Variants in LARP1 observed in about 807,000 individuals in gnomAD.
The protein encoded by LARP1 is la-related protein 1.
A neutral mutation model predicts 122.7 loss-of-function variants in LARP1; 36 were observed. That is an observed-to-expected ratio of 0.29 (90% CI 0.22 to 0.39). LARP1 has a LOEUF of 0.39. LARP1 is among the 10% of genes least tolerant of loss of function. LARP1 has a pLI of 1.00. For missense variants in LARP1, 1,040 were observed against 1,403.6 expected, an observed-to-expected ratio of 0.74 and a Z score of 4.14; for synonymous variants, 539 against 528.7, an observed-to-expected ratio of 1.02 and a Z score of -0.27.
chr5:154,691,581 C>T (rs181267027), intron 1 of LARP1, among the ~76,000 whole-genome samples: 3 of 152,306 alleles, frequency 2.0e-5, no homozygotes, highest in Admixed American at 6.5e-5. Flanking sequence ...CTCCGGGATC[C>T]TGCGGAGACT....
chr5:154,733,930 C>T (rs543595648), intron 1 of LARP1, among the ~76,000 whole-genome samples: 11 of 152,104 alleles, frequency 7.2e-5, no homozygotes, highest in East Asian at 3.9e-4. Context: ...CTTTGGGAGG[C>T]GGAGGCGGGT....
intron 18 of LARP1, among the ~76,000 whole-genome samples, chr5:154,812,785 G>A (rs1360596752): frequency 3.9e-5 from 6 of 151,974 alleles, no homozygotes; most frequent in Non-Finnish European, 8.8e-5. Context: ...CCAAAGTGCT[G>A]GGAGTACAGG....
intron 8 of LARP1, among the ~76,000 whole-genome samples, chr5:154,798,453 G>A (rs1015078836): frequency 1.3e-4 from 20 of 152,286 alleles, no homozygotes; most frequent in Non-Finnish European, 7.4e-5. Context: ...TCATTCCTGT[G>A]TACAGTTGCA....
chr5:154,730,381 GATTA>G (rs1267914384), intron 1 of LARP1, among the ~76,000 whole-genome samples: 1 of 151,724 alleles, frequency 6.6e-6, no homozygotes, highest in Non-Finnish European at 1.5e-5. Flanking sequence ...TCCTGCAACT[GATTA>G]ATTAACTTTT....
rs531269704 is a variant in LARP1, at chr5:154,688,277, A to AT, written c.-180+5246dup. On this transcript the variant is annotated intron_variant, in intron 1 of 18. Coordinates refer to the LARP1 transcript ENST00000687700. ...AGCACTCTATCCCTGAATATAGTTT[A>AT]TTTTTTCTACATTTGAATTCTGTTA... 3.4e-4 allele frequency among the ~76,000 whole-genome samples: 51 copies of AT among 151,816 alleles called. No homozygotes were observed. The East Asian group carries it at 8.1e-3, about 24-fold the overall frequency.
intron 1 of LARP1, among the ~76,000 whole-genome samples, chr5:154,683,210 C>A (rs1041155718): frequency 1.6e-4 from 25 of 152,376 alleles, no homozygotes; most frequent in African/African-American, 6.0e-4. Context: ...CTTACAGGAG[C>A]CGCTTTGCAG....
At chr5:154,759,319 G>A (rs953896574) in intron 1 of LARP1, among the ~76,000 whole-genome samples, 3 of 152,148 alleles carry the variant, frequency 2.0e-5, no homozygotes, top group African/African-American at 7.2e-5. Context: ...CCTGTAATAT[G>A]ATGGGGTTGG....
intron 1 of LARP1, among the ~76,000 whole-genome samples, chr5:154,758,314 C>T (rs556209928): frequency 4.6e-5 from 7 of 152,200 alleles, no homozygotes; most frequent in Non-Finnish European, 1.0e-4. Context: ...CTTTAAGTGC[C>T]CAAAGCAAAA....
intron 1 of LARP1, among the ~76,000 whole-genome samples, chr5:154,699,932 G>C (rs1013808541): frequency 6.6e-6 from 1 of 152,170 alleles, no homozygotes; most frequent in Non-Finnish European, 1.5e-5. Context: ...TTCCCAAGGC[G>C]ATGGCAGAAC....
chr5:154,706,298 TAATA>T (rs1162278506), intron 1 of LARP1, among the ~76,000 whole-genome samples: 1,494 of 18,518 alleles, frequency 0.081, 25 homozygotes, highest in African/African-American at 0.14. Context: ...TGTCTCAAAA[TAATA>T]ATAATAATAA....
intron 1 of LARP1, among the ~76,000 whole-genome samples, chr5:154,702,089 AAAG>A (rs1362225891): frequency 2.0e-5 from 3 of 152,166 alleles, no homozygotes; most frequent in African/African-American, 7.2e-5. Flanking sequence ...TACTGTGTAC[AAAG>A]AAGTCTACCC....
At chr5:154,793,562 A>G (rs1447832914) in intron 4 of LARP1, 33 bp from the exon 5 acceptor site, 1 of 1,613,922 alleles carries the variant, frequency 6.2e-7, no homozygotes, top group East Asian at 2.2e-5. Context: ...CCTCTCCCTC[A>G]AGCCTTTCTC....
intron 1 of LARP1, among the ~76,000 whole-genome samples, chr5:154,785,589 G>A (rs762114826): frequency 2.0e-5 from 3 of 152,312 alleles, no homozygotes; most frequent in Non-Finnish European, 4.4e-5. Flanking sequence ...CCTGTGAGGA[G>A]CAGAGTAGGT....
chr5:154,734,061 G>C (rs1387351105), intron 1 of LARP1, among the ~76,000 whole-genome samples: 1 of 151,844 alleles, frequency 6.6e-6, no homozygotes, highest in African/African-American at 2.4e-5. Flanking sequence ...CAGCTTCTTG[G>C]GAGGCTGAGG....
chr5:154,774,904 T>C (rs921288690), intron 1 of LARP1, among the ~76,000 whole-genome samples: 3 of 152,140 alleles, frequency 2.0e-5, no homozygotes, highest in African/African-American at 7.2e-5. Flanking sequence ...TGCATTAGGA[T>C]TTGTAGGCTT....
intron 15 of LARP1, among the ~76,000 whole-genome samples, chr5:154,807,379 A>G (rs568221477): frequency 1.3e-5 from 2 of 152,270 alleles, no homozygotes; most frequent in East Asian, 3.9e-4. Flanking sequence ...TGGGGTAACC[A>G]TGTTTAACCC....
intron 8 of LARP1, among the ~76,000 whole-genome samples, chr5:154,796,108 TATA>T (rs1757803991): frequency 8.2e-6 from 1 of 122,346 alleles, no homozygotes; most frequent in Non-Finnish European, 1.6e-5. Flanking sequence ...TATATTTATA[TATA>T]GTATATATAT....
At chr5:154,811,752 C>G (rs1759296716) in intron 18 of LARP1, 112 bp downstream of exon 18, 1 of 1,280,452 alleles carries the variant, frequency 7.8e-7, no homozygotes. Flanking sequence ...ACCCCTCTCC[C>G]TGCTCCCCAC....
At chr5:154,789,497 A>G (rs1482195696) in intron 1 of LARP1, among the ~76,000 whole-genome samples, 1 of 152,102 alleles carries the variant, frequency 6.6e-6, no homozygotes, top group Non-Finnish European at 1.5e-5. Context: ...CTGGGATTAC[A>G]GGCGTGAGCC....
Sources: gnomAD v4.1 joint callset for allele counts (sites outside exome capture counted in the v4.1 genomes callset) on GRCh38, gnomAD v4.1.1 for gene constraint, MANE v1.5 for transcripts, NCBI Gene and HGNC (gene_info 2026-07-23, HGNC 2026-07-21) for gene names.